The following PBX3 variants were observed in gnomAD, a reference collection of about 807,000 sequenced individuals.
PBX3 encodes the protein PBX homeobox 3, also known as pre-B-cell leukemia transcription factor 3.
Under a neutral mutation model 48.5 loss-of-function variants are expected in PBX3, and 14 were observed. That is an observed-to-expected ratio of 0.29 (90% CI 0.19 to 0.45). The LOEUF (loss-of-function observed/expected upper bound fraction) is 0.45. Among genes scored for constraint, PBX3 ranks in the 20% least tolerant of loss-of-function variants. PBX3 has a pLI of 1.00. For missense variants in PBX3, 386 were observed against 546.7 expected (o/e 0.71, Z 2.93); for synonymous variants, 210 against 200.3 (o/e 1.05, Z -0.41).
intron 2 of PBX3, among the ~76,000 whole-genome samples, chr9:125,776,062 T>A (rs1204417491): frequency 5.3e-5 from 8 of 152,208 alleles, no homozygotes; most frequent in Non-Finnish European, 1.2e-4. Flanking sequence ...CTTATTCCTT[T>A]CCAATTTGGA....
At chr9:125,858,380 C>T (rs907204390) in intron 2 of PBX3, among the ~76,000 whole-genome samples, 1 of 152,118 alleles carries the variant, frequency 6.6e-6, no homozygotes, top group Non-Finnish European at 1.5e-5. Context: ...TATTGTATAT[C>T]TGTACATGTG....
chr9:125,806,534 T>G (rs1838130453), intron 2 of PBX3, among the ~76,000 whole-genome samples: 2 of 152,176 alleles, frequency 1.3e-5, no homozygotes. Context: ...GGGCCTAGCT[T>G]GCTTTCTGCA....
chr9:125,822,956 G>GT (rs1454921664), intron 2 of PBX3, among the ~76,000 whole-genome samples: 2 of 147,772 alleles, frequency 1.4e-5, no homozygotes, highest in East Asian at 2.0e-4. Flanking sequence ...GGGTTTTTTA[G>GT]TTTTTTTGTT....
At chr9:125,802,851 G>C (rs1194341616) in intron 2 of PBX3, among the ~76,000 whole-genome samples, 1 of 151,746 alleles carries the variant, frequency 6.6e-6, no homozygotes, top group Non-Finnish European at 1.5e-5. Context: ...GGTAATTTTT[G>C]TACTTTTAGT....
At chr9:125,809,576 CAG>C (rs1461610730) in intron 2 of PBX3, among the ~76,000 whole-genome samples, 2 of 151,900 alleles carry the variant, frequency 1.3e-5, no homozygotes, top group African/African-American at 4.8e-5. Context: ...CTCAATTAAA[CAG>C]AAAACACGGA....
chr9:125,828,127 T>C (rs1213655153), intron 2 of PBX3, among the ~76,000 whole-genome samples: 1 of 152,114 alleles, frequency 6.6e-6, no homozygotes, highest in Non-Finnish European at 1.5e-5. Context: ...GTCCAGAGGA[T>C]TTACTTTGAA....
chr9:125,772,705 G>T (rs1836971392), intron 2 of PBX3, among the ~76,000 whole-genome samples: 1 of 152,184 alleles, frequency 6.6e-6, no homozygotes, highest in Admixed American at 6.5e-5. Context: ...GTGATACGTG[G>T]TATGTAATAG....
intron 2 of PBX3, among the ~76,000 whole-genome samples, chr9:125,758,023 A>T (rs1836567312): frequency 6.6e-6 from 1 of 152,210 alleles, no homozygotes; most frequent in Admixed American, 6.5e-5. Flanking sequence ...CCTCGTGTTC[A>T]CCACTTGTTA....
At chr9:125,781,932 A>G (rs1156883814) in intron 2 of PBX3, among the ~76,000 whole-genome samples, 1 of 150,740 alleles carries the variant, frequency 6.6e-6, no homozygotes, top group Non-Finnish European at 1.5e-5. Flanking sequence ...CATTCCCTCC[A>G]TTACCTTCTT....
At chr9:125,963,138 G>C (rs969072662) in intron 8 of PBX3, 37 bp downstream of exon 8, 2 of 1,188,362 alleles carry the variant, frequency 1.7e-6, no homozygotes, top group Non-Finnish European at 2.5e-6. Context: ...GGAGAACAGT[G>C]TCAGGTAAAC....
intron 2 of PBX3, among the ~76,000 whole-genome samples, chr9:125,806,354 T>C (rs1403451106): frequency 2.0e-5 from 3 of 152,144 alleles, no homozygotes; most frequent in Non-Finnish European, 4.4e-5. Flanking sequence ...TGTAAAAAAA[T>C]ATCTGAGACC....
At chr9:125,926,236 T>C (rs1841572078) in intron 3 of PBX3, among the ~76,000 whole-genome samples, 1 of 152,224 alleles carries the variant, frequency 6.6e-6, no homozygotes, top group Non-Finnish European at 1.5e-5. Flanking sequence ...ATTGATAATA[T>C]AGGCCAGGTA....
intron 2 of PBX3, among the ~76,000 whole-genome samples, chr9:125,910,821 T>C (rs1044671988): frequency 5.9e-5 from 9 of 151,838 alleles, no homozygotes; most frequent in Admixed American, 5.3e-4. Context: ...TGTTTTCTAT[T>C]GATGTCTACA....
intron 2 of PBX3, among the ~76,000 whole-genome samples, chr9:125,764,519 G>A (rs949752003): frequency 3.9e-5 from 6 of 152,108 alleles, no homozygotes; most frequent in Non-Finnish European, 5.9e-5. Context: ...TTTTGCTAAC[G>A]GATAAAAGCA....
chr9:125,962,406 C>G (rs1842449978), intron 7 of PBX3, among the ~76,000 whole-genome samples, 192 bp downstream of exon 7: 1 of 152,184 alleles, frequency 6.6e-6, no homozygotes, highest in South Asian at 2.1e-4. Context: ...ATGATTCAAA[C>G]CTGATAAACT....
chr9:125,921,478 A>C (rs111890894), intron 3 of PBX3, among the ~76,000 whole-genome samples: 2,231 of 152,308 alleles, frequency 0.015, 46 homozygotes, highest in African/African-American at 0.051. Flanking sequence ...TGTCATCAGT[A>C]ATAACTGTCA....
chr9:125,864,096 T>G (rs1402827569), intron 2 of PBX3, among the ~76,000 whole-genome samples: 3 of 152,222 alleles, frequency 2.0e-5, no homozygotes, highest in Non-Finnish European at 2.9e-5. Flanking sequence ...AATGCTAGAC[T>G]AAACAGAATA....
At chr9:125,905,853 T>G (rs942637404) in intron 2 of PBX3, among the ~76,000 whole-genome samples, 2 of 152,174 alleles carry the variant, frequency 1.3e-5, no homozygotes, top group South Asian at 2.1e-4. Context: ...TTGTGTTATT[T>G]GCTGCTGGGA....
rs141671820 is a variant in PBX3 at position 125,828,739 on chromosome 9, A to C, written c.274+80116A>C. Reference sequence around the variant, plus strand: ...ATTAAAAGTTTGGTAATATGTTTAGAATGTTCAGTTTATTCAATTTGTTAG... The same window carrying C: ...ATTAAAAGTTTGGTAATATGTTTAGCATGTTCAGTTTATTCAATTTGTTAG... On this transcript the variant is annotated intron_variant, in intron 2 of 8. Coordinates refer to ENST00000373489, the MANE Select transcript of PBX3 (RefSeq NM_006195.6). Among the ~76,000 whole-genome samples the C allele has an allele frequency of 4.9e-3, 743 of 152,300 alleles. 9 individuals carry two copies. Among genetic ancestry groups the C allele is most frequent in the African/African-American group, 0.017 (715 of 41,558 alleles).
Sources: gnomAD v4.1 joint callset for allele counts (sites outside exome capture counted in the v4.1 genomes callset) on GRCh38, gnomAD v4.1.1 for gene constraint, MANE v1.5 for transcripts, NCBI Gene and HGNC (gene_info 2026-07-23, HGNC 2026-07-21) for gene names.